Variants in FLT1 observed in about 807,000 individuals in gnomAD.
The protein encoded by FLT1 is vascular endothelial growth factor receptor 1.
In FLT1, 49 loss-of-function variants were observed where a neutral mutation model predicts 156.3. That is an observed-to-expected ratio of 0.31 (90% CI 0.25 to 0.40). The LOEUF is 0.40. Among genes scored for constraint, FLT1 ranks in the 10% least tolerant of loss-of-function variants. The probability of loss-of-function intolerance (pLI) is 1.00; values close to 1 mark genes in which losing one functional copy is unlikely to be tolerated. For missense variants in FLT1, 1,322 were observed against 1,637.2 expected (o/e 0.81, Z 3.32); for synonymous variants, 594 against 583.8 (o/e 1.02, Z -0.25).
intron 8 of FLT1, among the ~76,000 whole-genome samples, chr13:28,428,503 TAAAG>T (rs1252584205): frequency 6.6e-6 from 1 of 151,878 alleles, no homozygotes; most frequent in Non-Finnish European, 1.5e-5. Flanking sequence ...AGCATAAACT[TAAAG>T]AAATTTTAAA....
chr13:28,324,200 T>A (rs1380046622), intron 20 of FLT1, among the ~76,000 whole-genome samples: 1 of 152,224 alleles, frequency 6.6e-6, no homozygotes, highest in Non-Finnish European at 1.5e-5. Flanking sequence ...TCAGTGGCTT[T>A]ATAACAAGAC....
chr13:28,448,683 G>A (rs1878751988), intron 3 of FLT1, among the ~76,000 whole-genome samples: 1 of 152,142 alleles, frequency 6.6e-6, no homozygotes, highest in African/African-American at 2.4e-5. Flanking sequence ...GATGATGATG[G>A]TTGCATATAT....
intron 1 of FLT1, among the ~76,000 whole-genome samples, chr13:28,473,667 A>AAGAT (rs1288520393): frequency 7.8e-6 from 1 of 128,308 alleles, no homozygotes; most frequent in Non-Finnish European, 1.6e-5. Context: ...GAAAGAAAGA[A>AAGAT]AGAAAGAGAG....
At chr13:28,489,599 G>A (rs1470553855) in intron 1 of FLT1, among the ~76,000 whole-genome samples, 1 of 152,180 alleles carries the variant, frequency 6.6e-6, no homozygotes, top group Non-Finnish European at 1.5e-5. Context: ...GCCAGCAGGA[G>A]AGGAGGAGAC....
intron 1 of FLT1, among the ~76,000 whole-genome samples, chr13:28,479,625 T>C (rs879378753): frequency 1.3e-5 from 2 of 152,248 alleles, no homozygotes; most frequent in African/African-American, 2.4e-5. Flanking sequence ...CAGCAGTATC[T>C]GAATTTTTAA....
chr13:28,390,354 G>C (rs1287435557), intron 12 of FLT1, among the ~76,000 whole-genome samples: 2 of 152,110 alleles, frequency 1.3e-5, no homozygotes, highest in African/African-American at 4.8e-5. Flanking sequence ...ACGTGAAGTT[G>C]CTCTTCAAAG....
rs1871012941 is a variant in FLT1 at position 28,311,738 on chromosome 13, A to G, written c.3493-6T>C. The G allele has an allele frequency of 6.2e-7, 1 of 1,614,026 alleles. No individual in the cohort carries two copies. The highest frequency in any genetic ancestry group is 8.5e-7 in the Non-Finnish European group (1 of 1,179,944). On this transcript the variant is annotated splice_polypyrimidine_tract_variant and splice_region_variant and intron_variant, in intron 26 of 29. Coordinates refer to ENST00000282397, the MANE Select transcript of FLT1 (RefSeq NM_002019.4). ...GGGATGTAGTCTTTACCATCCTAAA[A>G]TACCAAAGGTAGAGCTCTCGTTGCA...
chr13:28,473,488 T>C (rs990403709), intron 1 of FLT1, among the ~76,000 whole-genome samples: 2 of 151,284 alleles, frequency 1.3e-5, no homozygotes, highest in South Asian at 2.1e-4. Flanking sequence ...CTACTAAAAA[T>C]ACAAAAATTA....
intron 13 of FLT1, chr13:28,386,331 A>C (rs7319123): frequency 0.99 from 1,004,455 of 1,011,108 alleles, 499,228 homozygotes; most frequent in East Asian, 1. Flanking sequence ...TATCACATAA[A>C]TTTTATAACA....
chr13:28,399,164 A>G, intron 11 of FLT1: 4 of 1,371,660 alleles, frequency 2.9e-6, no homozygotes, highest in Admixed American at 4.0e-5. Context: ...ACTCCCTTAC[A>G]TTGTCTCAGG....
Position 28,370,059 on chromosome 13 carries a change from C to T in FLT1, c.2117-12374G>A, listed in dbSNP as rs1035214618. Among the ~76,000 whole-genome samples the T allele has an allele frequency of 9.9e-5, 15 of 151,764 alleles. No homozygotes were observed. The East Asian group carries it at 2.1e-3, about 22-fold the overall frequency. ...CTATAAAAAATAAAAAAAATTAGCC[C>T]GGCATGGTGGCATGTGCCTGTAGTT... On this transcript the variant is annotated intron_variant, in intron 14 of 29. Coordinates refer to ENST00000282397, the MANE Select transcript of FLT1 (RefSeq NM_002019.4).
intron 11 of FLT1, among the ~76,000 whole-genome samples, chr13:28,398,185 GT>G (rs1875182215): frequency 6.6e-6 from 1 of 152,206 alleles, no homozygotes; most frequent in South Asian, 2.1e-4. Context: ...AGTTAGTCCA[GT>G]TACTTATAAA....
intron 15 of FLT1, among the ~76,000 whole-genome samples, chr13:28,349,934 C>G (rs1872689142): frequency 6.6e-6 from 1 of 152,178 alleles, no homozygotes; most frequent in Non-Finnish European, 1.5e-5. Context: ...TATCATTGCT[C>G]TATTGCATTT....
chr13:28,444,174 G>A (rs1878481243), intron 3 of FLT1, among the ~76,000 whole-genome samples: 1 of 152,168 alleles, frequency 6.6e-6, no homozygotes, highest in African/African-American at 2.4e-5. Context: ...AGGCATAGTG[G>A]CTCATGTCTG....
chr13:28,334,435 G>A (rs1405745182), intron 17 of FLT1, among the ~76,000 whole-genome samples: 1 of 152,170 alleles, frequency 6.6e-6, no homozygotes. Context: ...CAAGTCCCGT[G>A]TAGTTTCTTC....
At chr13:28,451,745 A>C (rs1422469423) in intron 3 of FLT1, among the ~76,000 whole-genome samples, 1 of 152,236 alleles carries the variant, frequency 6.6e-6, no homozygotes, top group Non-Finnish European at 1.5e-5. Flanking sequence ...TCTAGGGCTC[A>C]GCTTCCTCAT....
intron 14 of FLT1, among the ~76,000 whole-genome samples, chr13:28,361,939 G>A (rs548018591): frequency 4.1e-4 from 62 of 152,140 alleles, no homozygotes; most frequent in African/African-American, 1.4e-3. Flanking sequence ...ATTTAAGGAC[G>A]TTCAGTCTAG....
At chr13:28,396,612 T>G (rs996629516) in intron 12 of FLT1, among the ~76,000 whole-genome samples, 2 of 152,218 alleles carry the variant, frequency 1.3e-5, no homozygotes, top group Non-Finnish European at 2.9e-5. Context: ...TCATATTATA[T>G]GCATTATAAT....
At chr13:28,465,532 C>T (rs1879800989) in intron 3 of FLT1, among the ~76,000 whole-genome samples, 1 of 151,610 alleles carries the variant, frequency 6.6e-6, no homozygotes, top group Non-Finnish European at 1.5e-5. Flanking sequence ...GTCTAGTTGC[C>T]TTATTTCACA....
Sources: gnomAD v4.1 joint callset for allele counts (sites outside exome capture counted in the v4.1 genomes callset) on GRCh38, gnomAD v4.1.1 for gene constraint, MANE v1.5 for transcripts, NCBI Gene and HGNC (gene_info 2026-07-23, HGNC 2026-07-21) for gene names.